EPHA7: variants seen among roughly 807,000 people sequenced by gnomAD.
The protein encoded by EPHA7 is EPH receptor A7, also known as ephrin type-A receptor 7.
Under a neutral mutation model 112.6 loss-of-function variants are expected in EPHA7, and 25 were observed. That is an observed-to-expected ratio of 0.22 (90% CI 0.16 to 0.31). EPHA7 has a LOEUF of 0.31. Ranked by LOEUF, EPHA7 falls within the 10% of genes least tolerant of loss-of-function variation. The pLI is 1.00. For missense variants in EPHA7, 962 were observed against 1,212.6 expected, an observed-to-expected ratio of 0.79 and a Z score of 3.07; for synonymous variants, 437 against 406.5, an observed-to-expected ratio of 1.07 and a Z score of -0.90.
At chr6:93,376,699 C>A (rs889057072) in intron 3 of EPHA7, among the ~76,000 whole-genome samples, 1 of 152,058 alleles carries the variant, frequency 6.6e-6, no homozygotes, top group African/African-American at 2.4e-5. Context: ...TAACGGAAGC[C>A]CCACATTTGA....
intron 3 of EPHA7, among the ~76,000 whole-genome samples, chr6:93,377,594 T>C (rs1249783561): frequency 6.6e-6 from 1 of 152,032 alleles, no homozygotes; most frequent in Non-Finnish European, 1.5e-5. Context: ...ACAGAACTAT[T>C]GTTATTTCCA....
chr6:93,386,876 G>A (rs1777633646), intron 3 of EPHA7, among the ~76,000 whole-genome samples: 1 of 152,078 alleles, frequency 6.6e-6, no homozygotes, highest in South Asian at 2.1e-4. Flanking sequence ...AGATGGAAGG[G>A]CTGGGATGGA....
intron 3 of EPHA7, among the ~76,000 whole-genome samples, chr6:93,403,390 T>TA: frequency 6.6e-6 from 1 of 151,514 alleles, no homozygotes; most frequent in Non-Finnish European, 1.5e-5. Flanking sequence ...CTTAGCTGTT[T>TA]AAAAAAATAG....
At chr6:93,262,157 G>C (rs1770715322) in intron 9 of EPHA7, among the ~76,000 whole-genome samples, 1 of 151,382 alleles carries the variant, frequency 6.6e-6, no homozygotes, top group Admixed American at 6.6e-5. Flanking sequence ...ATAAAATTTA[G>C]GCATTCAAGT....
At chr6:93,294,350 C>A (rs1772542687) in intron 5 of EPHA7, among the ~76,000 whole-genome samples, 1 of 152,098 alleles carries the variant, frequency 6.6e-6, no homozygotes. Flanking sequence ...GATGATGTGA[C>A]AAGGTAGTCT....
In EPHA7 at chr6:93,405,783, ATG is replaced by A. The variant is rs371052750; in HGVS notation, c.832+4716_832+4717del. 8.5e-3 allele frequency among the ~76,000 whole-genome samples: 806 copies of A among 94,744 alleles called. 3 individuals are homozygous for A. Among genetic ancestry groups the A allele is most frequent in the East Asian group, 0.014 (33 of 2,292 alleles). The allele number at this position is 94,744 out of a possible 152,430, so 62.2% of individuals were successfully genotyped here. ...TGGTGTTTCTTATATTTCTGTATAT[ATG>A]TGTGTGTGTGTGTGTGTGTGTGTGT... is the stretch of plus-strand genomic sequence containing the variant. On this transcript the variant is annotated intron_variant, in intron 3 of 16. Transcript: ENST00000369303.
chr6:93,246,272 G>A (rs1402750324), intron 15 of EPHA7, among the ~76,000 whole-genome samples: 6 of 151,762 alleles, frequency 4.0e-5, no homozygotes, highest in African/African-American at 1.5e-4. Context: ...GGCTGGTCTC[G>A]AACTCCTGAC....
chr6:93,337,096 A>C (rs1410546122), intron 5 of EPHA7, among the ~76,000 whole-genome samples: 3 of 152,116 alleles, frequency 2.0e-5, no homozygotes. Context: ...CACAGAAAAT[A>C]CCTTAAACAA....
chr6:93,254,838 C>T (rs1279090275), intron 13 of EPHA7, 42 bp from the exon 14 acceptor site: 1 of 1,524,972 alleles, frequency 6.6e-7, no homozygotes, highest in Middle Eastern at 1.7e-4. Flanking sequence ...TGTATAATAA[C>T]TGATATATTA....
chr6:93,390,695 G>T (rs1476341373), intron 3 of EPHA7, among the ~76,000 whole-genome samples: 1 of 151,698 alleles, frequency 6.6e-6, no homozygotes, highest in Non-Finnish European at 1.5e-5. Flanking sequence ...CTATTTTCCT[G>T]TTACTTTGGC....
intron 5 of EPHA7, among the ~76,000 whole-genome samples, chr6:93,340,209 C>T (rs546451290): frequency 1.1e-4 from 16 of 151,662 alleles, no homozygotes; most frequent in Non-Finnish European, 1.9e-4. Flanking sequence ...TGTATGTATA[C>T]GTGTGTATAT....
At chr6:93,314,314 T>G (rs1773687003) in intron 5 of EPHA7, among the ~76,000 whole-genome samples, 1 of 152,170 alleles carries the variant, frequency 6.6e-6, no homozygotes, top group Admixed American at 6.5e-5. Context: ...CATTAATCAT[T>G]TATGTATTAT....
In EPHA7 at chr6:93,258,135, G is replaced by T; in HGVS notation, c.2074C>A (p.Pro692Thr). 1.2e-6 allele frequency: 2 copies of T among 1,613,134 alleles called. No homozygotes were observed. The highest frequency in any genetic ancestry group is 1.7e-6 in the Non-Finnish European group (2 of 1,179,592). Residue 692 changes from proline to threonine, a missense_variant, in exon 11 of 17, where the codon CCG becomes ACG. Transcript: ENST00000369303. ...EASIMGQFDH[P>T]NVVHLEGVVT... ...ACCCCTTCCAAATGGACAACATTCG[G>T]GTGGTCAAACTGCCCCATGATGCTT...
At position 93,326,192 on chromosome 6, in the gene EPHA7, C is replaced by T. The variant is rs187137246; in HGVS notation, c.1324+30525G>A. Among the ~76,000 whole-genome samples the T allele has an allele frequency of 2.0e-3, 300 of 151,428 alleles. 3 individuals are homozygous for T. The highest frequency in any genetic ancestry group is 6.9e-3 in the African/African-American group (285 of 41,440). Reference sequence around the variant, plus strand: ...GAAAGAGATTAAAATCTGTCTCTCCCTATAGTCTAAGTTCCATGAGAGGCT... The same window carrying T: ...GAAAGAGATTAAAATCTGTCTCTCCTTATAGTCTAAGTTCCATGAGAGGCT... On this transcript the variant is annotated intron_variant, in intron 5 of 16. Coordinates refer to ENST00000369303, the MANE Select transcript of EPHA7 (RefSeq NM_004440.4).
At chr6:93,298,184 A>G (rs1244945325) in intron 5 of EPHA7, among the ~76,000 whole-genome samples, 1 of 152,162 alleles carries the variant, frequency 6.6e-6, no homozygotes, top group African/African-American at 2.4e-5. Context: ...GTCTTTCAAA[A>G]TAATGTGGGA....
At chr6:93,280,576 T>C (rs938410800) in intron 5 of EPHA7, among the ~76,000 whole-genome samples, 2 of 152,114 alleles carry the variant, frequency 1.3e-5, no homozygotes, top group African/African-American at 2.4e-5. Context: ...TCCTTAAAGG[T>C]AGAAAACTTA....
intron 3 of EPHA7, among the ~76,000 whole-genome samples, chr6:93,366,503 G>T (rs1776517656): frequency 6.6e-6 from 1 of 152,132 alleles, no homozygotes; most frequent in South Asian, 2.1e-4. Context: ...TTTAAAAAAT[G>T]CATGTTTCTA....
chr6:93,357,102 AC>A (rs753487771), intron 4 of EPHA7, 50 bp from the exon 5 acceptor site: 9 of 1,415,124 alleles, frequency 6.4e-6, no homozygotes, highest in Admixed American at 2.2e-5. Flanking sequence ...AGAAAAAAAA[AC>A]ATACAAACAA....
intron 7 of EPHA7, among the ~76,000 whole-genome samples, chr6:93,265,192 C>G (rs1770873445): frequency 6.6e-6 from 1 of 151,584 alleles, no homozygotes; most frequent in Non-Finnish European, 1.5e-5. Context: ...ATCATGTAAT[C>G]ATAAACATCA....
Sources: gnomAD v4.1 joint callset for allele counts (sites outside exome capture counted in the v4.1 genomes callset) on GRCh38, gnomAD v4.1.1 for gene constraint, MANE v1.5 for transcripts, NCBI Gene and HGNC (gene_info 2026-07-23, HGNC 2026-07-21) for gene names.